BICD1: variants seen among roughly 807,000 people sequenced by gnomAD.
BICD1 encodes BICD cargo adaptor 1.
In BICD1, 35 loss-of-function variants were observed where a neutral mutation model predicts 92.5. That is an observed-to-expected ratio of 0.38 (90% confidence interval 0.29 to 0.50). The LOEUF (loss-of-function observed/expected upper bound fraction) is 0.50, where lower values mean the gene tolerates loss of function less well. BICD1 is among the 20% of genes least tolerant of loss of function. BICD1 has a pLI of 0.93. For synonymous variants in BICD1, 429 were observed against 465.1 expected (o/e 0.92, Z 1.00); for missense variants, 950 against 1,189.8 (o/e 0.80, Z 2.97).
At chr12:32,344,343 A>G (rs762255006) in intron 8 of BICD1, among the ~76,000 whole-genome samples, 1 of 152,176 alleles carries the variant, frequency 6.6e-6, no homozygotes, top group African/African-American at 2.4e-5. Flanking sequence ...GAAGTAATAG[A>G]AAGCGAGGCT....
intron 2 of BICD1, among the ~76,000 whole-genome samples, chr12:32,231,772 G>T (rs1945899235): frequency 7.4e-6 from 1 of 135,234 alleles, no homozygotes; most frequent in Non-Finnish European, 1.5e-5. Flanking sequence ...CCAGAGTGGG[G>T]TTCCCCTTCC....
chr12:32,325,128 TGCACCTG>T (rs1948746050), intron 4 of BICD1, among the ~76,000 whole-genome samples: 1 of 140,052 alleles, frequency 7.1e-6, no homozygotes, highest in Admixed American at 7.3e-5. Context: ...CACACCCCAC[TGCACCTG>T]GCTCCATTTA....
chr12:32,362,198 A>G lies in BICD1; in HGVS notation c.2765-5472A>G, dbSNP rs560637266. On this transcript the variant is annotated intron_variant, in intron 8 of 9. Transcript: ENST00000652176. ...AACATGGCGATACCCCATCTCTACTAAAATTATAAAAATTGGCCGGGCATG... is the reference window on the plus strand; with the variant it reads ...AACATGGCGATACCCCATCTCTACTGAAATTATAAAAATTGGCCGGGCATG... Among the ~76,000 whole-genome samples, 226 of 152,336 alleles carry G rather than the reference A, an allele frequency of 1.5e-3. 2 individuals are homozygous for G. Among genetic ancestry groups the G allele is most frequent in the African/African-American group, 5.3e-3 (219 of 41,578 alleles).
chr12:32,114,161 G>A (rs558190671), intron 1 of BICD1, among the ~76,000 whole-genome samples: 1 of 151,926 alleles, frequency 6.6e-6, no homozygotes, highest in Admixed American at 6.6e-5. Flanking sequence ...ATGAGCCACC[G>A]CGCCCAGCCT....
At chr12:32,207,564 A>C (rs1945096401) in intron 1 of BICD1, among the ~76,000 whole-genome samples, 7 of 152,194 alleles carry the variant, frequency 4.6e-5, no homozygotes, top group Admixed American at 4.6e-4. Context: ...TGTTTTTATG[A>C]TTATTGAAAA....
At chr12:32,141,486 T>C (rs1942916851) in intron 1 of BICD1, among the ~76,000 whole-genome samples, 1 of 152,204 alleles carries the variant, frequency 6.6e-6, no homozygotes, top group African/African-American at 2.4e-5. Flanking sequence ...TGTTTTGTTT[T>C]GTTTTTGAGC....
At chr12:32,366,539 G>A (rs911934072) in intron 8 of BICD1, among the ~76,000 whole-genome samples, 4 of 152,214 alleles carry the variant, frequency 2.6e-5, no homozygotes, top group African/African-American at 7.2e-5. Flanking sequence ...GAATCACCTC[G>A]GGAGGCTGAG....
chr12:32,223,293 G>A (rs1034269258), intron 2 of BICD1, among the ~76,000 whole-genome samples: 1 of 152,170 alleles, frequency 6.6e-6, no homozygotes. Context: ...CAAGGCAAGT[G>A]GACCATCTGA....
At chr12:32,173,844 G>T (rs975082262) in intron 1 of BICD1, among the ~76,000 whole-genome samples, 2 of 152,054 alleles carry the variant, frequency 1.3e-5, no homozygotes, top group African/African-American at 4.8e-5. Flanking sequence ...AACATTTTTT[G>T]GATAAATGAA....
At chr12:32,208,193 C>G (rs923271391) in intron 1 of BICD1, among the ~76,000 whole-genome samples, 24 of 152,166 alleles carry the variant, frequency 1.6e-4, no homozygotes, top group Admixed American at 3.9e-4. Flanking sequence ...AAAAACCTTG[C>G]CAAACATTTC....
Position 32,346,560 on chromosome 12 carries a change from A to ATATATATATATATACGTGTG in BICD1, c.2764+7595_2764+7596insCGTGTGTATATATATATATA, listed in dbSNP as rs1565687089. 9.0e-4 allele frequency among the ~76,000 whole-genome samples: 19 copies of ATATATATATATATACGTGTG among 21,154 alleles called. 1 individual carries two copies. Among genetic ancestry groups the ATATATATATATATACGTGTG allele is most frequent in the Admixed American group, 1.2e-3 (2 of 1,634 alleles). 13.9% of individuals were successfully genotyped at this position (21,154 alleles called of 152,430 possible). ...TGTATATATATATATATATATATAT[A>ATATATATATATATACGTGTG]TATATATATATATATATATATACGT... On this transcript the variant is annotated intron_variant, in intron 8 of 9. Coordinates refer to ENST00000652176, the MANE Select transcript of BICD1 (RefSeq NM_001714.4).
At chr12:32,350,953 G>C (rs1394197793) in intron 8 of BICD1, among the ~76,000 whole-genome samples, 2 of 150,936 alleles carry the variant, frequency 1.3e-5, no homozygotes. Flanking sequence ...ACATGCAATA[G>C]CCAAGTTTAT....
At chr12:32,330,505 A>G (rs1312585206) in intron 5 of BICD1, among the ~76,000 whole-genome samples, 1 of 151,844 alleles carries the variant, frequency 6.6e-6, no homozygotes, top group East Asian at 1.9e-4. Flanking sequence ...GCACACCAAC[A>G]TGGCACATGT....
chr12:32,114,722 C>T (rs1013300098), intron 1 of BICD1, among the ~76,000 whole-genome samples: 1 of 151,994 alleles, frequency 6.6e-6, no homozygotes, highest in Non-Finnish European at 1.5e-5. Context: ...TTTATAGAAG[C>T]CTAATTTCTA....
chr12:32,376,243 C>G (rs151304603), intron 9 of BICD1, among the ~76,000 whole-genome samples: 8,959 of 152,100 alleles, frequency 0.059, 384 homozygotes, highest in Middle Eastern at 0.15. Flanking sequence ...GCCACCATAC[C>G]CAGCTAATTT....
At chr12:32,349,224 G>GC (rs1457907312) in intron 8 of BICD1, among the ~76,000 whole-genome samples, 1 of 152,066 alleles carries the variant, frequency 6.6e-6, no homozygotes, top group Non-Finnish European at 1.5e-5. Flanking sequence ...CAATCTGCTG[G>GC]CACCAGTCTA....
intron 1 of BICD1, among the ~76,000 whole-genome samples, chr12:32,207,521 T>TA (rs1047067963): frequency 2.0e-5 from 3 of 152,208 alleles, no homozygotes; most frequent in Middle Eastern, 3.4e-3. Context: ...AGATTTTTTT[T>TA]AAAAAAACAT....
Position 32,107,406 on chromosome 12 carries a change from G to T in BICD1, c.75G>T (p.Thr25=), listed in dbSNP as rs376173106. The T allele has an allele frequency of 7.4e-6, 12 of 1,611,976 alleles. No individual in the cohort carries two copies. The African/African-American group carries it at 1.3e-4, about 18-fold the overall frequency. The change falls in exon 1 of 10, where the codon ACG becomes ACT. Residue 25 remains threonine (T), a synonymous_variant. Coordinates refer to ENST00000652176, the MANE Select transcript of BICD1 (RefSeq NM_001714.4). ...TAGAGAGGCTAACCAAGGAGCTCAC[G>T]GAGACCACCCACGAGAAGATCCAGG... ...TEIERLTKEL[T]ETTHEKIQAA...
intron 1 of BICD1, among the ~76,000 whole-genome samples, chr12:32,167,648 G>T (rs1039485310): frequency 3.3e-5 from 5 of 152,078 alleles, no homozygotes; most frequent in Admixed American, 1.3e-4. Flanking sequence ...TTGAAATGGG[G>T]CTTCACCATG....
Sources: allele counts gnomAD v4.1 joint callset (sites outside exome capture counted in the v4.1 genomes callset), GRCh38; gene constraint gnomAD v4.1.1; transcripts MANE v1.5; gene names NCBI Gene and HGNC (gene_info 2026-07-23, HGNC 2026-07-21).